Variants in PCDH9 observed in about 807,000 individuals in gnomAD.
PCDH9 encodes protocadherin-9.
PCDH9 carries 24 observed loss-of-function variants against 70.6 expected under a neutral mutation model. The observed-to-expected ratio is 0.34, with a 90% CI of 0.25 to 0.48. The LOEUF is 0.48. Ranked by LOEUF, PCDH9 falls within the 20% of genes least tolerant of loss-of-function variation. PCDH9 has a pLI of 0.99. For synonymous variants in PCDH9, 562 were observed against 558.5 expected (o/e 1.01, Z -0.09); for missense variants, 1,281 against 1,503.6 (o/e 0.85, Z 2.45).
chr13:66,479,727 C>T (rs937855799), intron 4 of PCDH9, among the ~76,000 whole-genome samples: 2 of 152,164 alleles, frequency 1.3e-5, no homozygotes, highest in Admixed American at 6.5e-5. Flanking sequence ...CCAATCAGCA[C>T]TCTGTAAAAA....
intron 4 of PCDH9, among the ~76,000 whole-genome samples, chr13:66,561,027 C>T (rs1189149448): frequency 6.6e-6 from 1 of 152,230 alleles, no homozygotes; most frequent in Non-Finnish European, 1.5e-5. Flanking sequence ...CTGGCCAAGG[C>T]CGGAGCCGGC....
At position 66,506,359 on chromosome 13, in the gene PCDH9, C is replaced by T. The variant is rs151234657; in HGVS notation, c.3340+124851G>A. On this transcript the variant is annotated intron_variant, in intron 4 of 4. Transcript: ENST00000377865. ...TTTTCACAAGTGAAAATGTAAAAAGCGGCAAACTACTGTTATTTCTCATTC... is the reference window on the plus strand; with the variant it reads ...TTTTCACAAGTGAAAATGTAAAAAGTGGCAAACTACTGTTATTTCTCATTC... Among the ~76,000 whole-genome samples, 448 of 152,200 alleles carry T rather than the reference C, an allele frequency of 2.9e-3. 3 individuals carry two copies. Among genetic ancestry groups the T allele is most frequent in the African/African-American group, 0.01 (425 of 41,520 alleles).
intron 3 of PCDH9, among the ~76,000 whole-genome samples, chr13:66,739,324 A>G (rs2079214973): frequency 7.7e-6 from 1 of 129,610 alleles, no homozygotes. Context: ...CCTGCCCTAA[A>G]AGAGCTCCTG....
At chr13:67,111,241 C>A (rs1041722548) in intron 2 of PCDH9, among the ~76,000 whole-genome samples, 1 of 152,154 alleles carries the variant, frequency 6.6e-6, no homozygotes, top group African/African-American at 2.4e-5. Context: ...ACCTGGTACA[C>A]AAAATGAGAC....
At position 67,226,416 on chromosome 13, in the gene PCDH9, G is replaced by T. The variant is rs2138140670; in HGVS notation, c.2025C>A (p.Val675=). ...VMDVNDNSPV[V]ISPPSNTSFK... ...AGGAAGTATTAGACGGTGGAGAAAT[G>T]ACAACTGGGCTGTTGTCATTGACAT... The change falls in exon 2 of 5, where the codon GTC becomes GTA. Residue 675 remains valine, a synonymous_variant. Coordinates refer to ENST00000377865, the MANE Select transcript of PCDH9 (RefSeq NM_203487.3). This position sits in a 1 kb window ranked among gnomAD's most constrained non-coding sequence, Gnocchi z 5.0. The T allele has an allele frequency of 6.2e-7, 1 of 1,614,116 alleles. No homozygotes were observed. The highest frequency in any genetic ancestry group is 2.2e-5 in the East Asian group (1 of 44,876).
intron 3 of PCDH9, among the ~76,000 whole-genome samples, chr13:66,647,488 G>A (rs559516607): frequency 5.9e-5 from 9 of 152,236 alleles, no homozygotes; most frequent in Non-Finnish European, 1.0e-4. Flanking sequence ...ACCCAGTCCT[G>A]GCAAGGTTAA....
At chr13:66,417,832 C>A (rs187933082) in intron 4 of PCDH9, among the ~76,000 whole-genome samples, 3 of 152,090 alleles carry the variant, frequency 2.0e-5, no homozygotes, top group Admixed American at 2.0e-4. Flanking sequence ...TCATATCCTT[C>A]GCCTACTTTT....
chr13:66,863,642 T>G (rs1264009034), intron 3 of PCDH9, among the ~76,000 whole-genome samples: 1 of 152,058 alleles, frequency 6.6e-6, no homozygotes, highest in Non-Finnish European at 1.5e-5. Flanking sequence ...CCTGCCACCA[T>G]GCCCAGCTAA....
At chr13:66,597,555 C>G (rs1342658529) in intron 4 of PCDH9, among the ~76,000 whole-genome samples, 2 of 151,744 alleles carry the variant, frequency 1.3e-5, no homozygotes, top group African/African-American at 4.8e-5. Context: ...AGACCCCTAT[C>G]CCACATCATA....
At chr13:66,547,987 G>A (rs1961291776) in intron 4 of PCDH9, among the ~76,000 whole-genome samples, 2 of 148,428 alleles carry the variant, frequency 1.3e-5, no homozygotes, top group South Asian at 4.2e-4. Flanking sequence ...ATGTATAGAA[G>A]CTTTTTGTTG....
intron 4 of PCDH9, among the ~76,000 whole-genome samples, chr13:66,518,689 G>A (rs1382799697): frequency 1.3e-5 from 2 of 152,040 alleles, no homozygotes; most frequent in Middle Eastern, 3.2e-3. Flanking sequence ...TAAGTTTATG[G>A]GTAACATAAA....
At chr13:66,899,390 T>C (rs748883735) in intron 3 of PCDH9, among the ~76,000 whole-genome samples, 2 of 152,038 alleles carry the variant, frequency 1.3e-5, no homozygotes, top group Non-Finnish European at 2.9e-5. Context: ...CCAATCTCCC[T>C]AACTCTTAGA....
At chr13:66,816,980 A>C (rs1306946280) in intron 3 of PCDH9, among the ~76,000 whole-genome samples, 2 of 150,630 alleles carry the variant, frequency 1.3e-5, no homozygotes, top group Non-Finnish European at 3.0e-5. Context: ...CAACCAACCA[A>C]CTGTAGATTG....
intron 2 of PCDH9, chr13:67,224,970 C>T: frequency 9.9e-7 from 1 of 1,009,838 alleles, no homozygotes; most frequent in Non-Finnish European, 1.2e-6. Flanking sequence ...ATAGCTGCAA[C>T]ATAATTGCAG....
At chr13:66,961,582 C>T (rs1236269079) in intron 2 of PCDH9, among the ~76,000 whole-genome samples, 1 of 151,972 alleles carries the variant, frequency 6.6e-6, no homozygotes, top group Non-Finnish European at 1.5e-5. Context: ...TTACTTGAGC[C>T]CAGGAGTTTG....
At chr13:66,849,425 AATATATGACT>A (rs138258636) in intron 3 of PCDH9, among the ~76,000 whole-genome samples, 3,169 of 149,354 alleles carry the variant, frequency 0.021, 121 homozygotes, top group African/African-American at 0.074. Context: ...TATATATGAA[AATATATGACT>A]ATATATGACT....
At chr13:66,505,301 G>C (rs1396135558) in intron 4 of PCDH9, among the ~76,000 whole-genome samples, 1 of 152,158 alleles carries the variant, frequency 6.6e-6, no homozygotes, top group African/African-American at 2.4e-5. Flanking sequence ...TGACTGGGGA[G>C]GCCTCACAAT....
At chr13:67,213,617 A>C (rs1180079011) in intron 2 of PCDH9, 1 of 152,094 alleles carries the variant, frequency 6.6e-6, no homozygotes, top group African/African-American at 2.4e-5. Flanking sequence ...AATGCTATAA[A>C]ATGGATATCA....
intron 2 of PCDH9, chr13:67,203,875 C>A (rs1405052371): frequency 6.6e-6 from 1 of 151,924 alleles, no homozygotes; most frequent in Non-Finnish European, 1.5e-5. Context: ...TGGAAAAAAA[C>A]CGCCACAGTC....
Sources: allele counts gnomAD v4.1 joint callset (sites outside exome capture counted in the v4.1 genomes callset), GRCh38; gene constraint gnomAD v4.1.1; non-coding constraint Gnocchi (gnomAD v3.1); transcripts MANE v1.5; gene names NCBI Gene and HGNC (gene_info 2026-07-23, HGNC 2026-07-21).